The following CCDC85C variants were observed in gnomAD, a reference collection of about 807,000 sequenced individuals.
CCDC85C encodes coiled-coil domain-containing protein 85C.
CCDC85C carries 18 observed loss-of-function variants against 38.3 expected under a neutral mutation model. The ratio of observed to expected loss-of-function variants is 0.47; its 90% CI spans 0.33 to 0.70. CCDC85C has a LOEUF of 0.70. Ranked by LOEUF, CCDC85C falls within the 30% of genes least tolerant of loss-of-function variation. The pLI, the probability that CCDC85C is intolerant of heterozygous loss-of-function variation, is 0.03. For missense variants in CCDC85C, 566 were observed against 621.2 expected (o/e 0.91, Z 0.94); for synonymous variants, 264 against 293.8 (o/e 0.90, Z 1.04).
At chr14:99,527,962 G>A (rs559775357) in intron 2 of CCDC85C, among the ~76,000 whole-genome samples, 245 of 152,298 alleles carry the variant, frequency 1.6e-3, no homozygotes, top group Middle Eastern at 6.8e-3. Context: ...CCTCGGGGGC[G>A]GTCGCTGCAT....
intron 2 of CCDC85C, among the ~76,000 whole-genome samples, chr14:99,527,862 G>C (rs1346143473): frequency 1.3e-5 from 2 of 152,204 alleles, no homozygotes; most frequent in Non-Finnish European, 2.9e-5. Context: ...TCAAAGTGGG[G>C]ATTAGCACCA....
intron 1 of CCDC85C, among the ~76,000 whole-genome samples, chr14:99,542,829 G>A (rs1207074619): frequency 6.6e-6 from 1 of 152,232 alleles, no homozygotes; most frequent in Non-Finnish European, 1.5e-5. Context: ...CACCTCTGAG[G>A]CATGAGCACT....
intron 1 of CCDC85C, among the ~76,000 whole-genome samples, chr14:99,568,565 A>C (rs1898269934): frequency 6.6e-6 from 1 of 151,952 alleles, no homozygotes; most frequent in South Asian, 2.1e-4. Context: ...CGACCTGAGG[A>C]CCCCGCTCAG....
Position 99,512,738 on chromosome 14 carries a change from G to A in CCDC85C, c.*2508C>T, listed in dbSNP as rs1161993736. The A allele has an allele frequency of 2.0e-5, 3 of 152,194 alleles. No individual in the cohort carries two copies. Among genetic ancestry groups the A allele is most frequent in the African/African-American group, 7.2e-5 (3 of 41,442 alleles). The allele number at this position is 152,194 out of a possible 1,614,324, so 9.4% of individuals were successfully genotyped here. A position where few individuals can be genotyped will look rare whatever the true frequency, so the allele number is the denominator to read the frequency against. ...GCATCTGAAAGGGCACCCCCACTGG[G>A]GGCTTTCAGAGCTAAGGCTCCAGAA... On this transcript the variant is annotated 3_prime_UTR_variant, in exon 6 of 6. Transcript: ENST00000380243.
chr14:99,540,392 G>T (rs1036092360), intron 1 of CCDC85C, among the ~76,000 whole-genome samples: 1 of 152,176 alleles, frequency 6.6e-6, no homozygotes, highest in African/African-American at 2.4e-5. Context: ...GGGGCTGGAG[G>T]GCAGGAGACC....
intron 1 of CCDC85C, among the ~76,000 whole-genome samples, chr14:99,602,847 G>T (rs1203599907): frequency 1.3e-5 from 2 of 152,216 alleles, no homozygotes; most frequent in Admixed American, 1.3e-4. Context: ...CCAAGGCTGG[G>T]ATGAGGCGCC....
intron 1 of CCDC85C, among the ~76,000 whole-genome samples, chr14:99,598,953 G>A (rs58884100): frequency 0.11 from 16,980 of 152,134 alleles, 1,873 homozygotes; most frequent in East Asian, 0.36. Context: ...TCCTTTCTGA[G>A]GCCCAGCATC....
chr14:99,553,252 A>G lies in CCDC85C; in HGVS notation c.794-17164T>C, dbSNP rs1439697431. ...CCAGGCCAGAGCCCTGCAGCTCAGGACATGGGGAGAGGAATGTCACAATCT... is the reference window on the plus strand; with the variant it reads ...CCAGGCCAGAGCCCTGCAGCTCAGGGCATGGGGAGAGGAATGTCACAATCT... On this transcript the variant is annotated intron_variant, in intron 1 of 5. Coordinates refer to ENST00000380243, the MANE Select transcript of CCDC85C (RefSeq NM_001144995.2). Among the ~76,000 whole-genome samples the G allele has an allele frequency of 2.0e-5, 3 of 152,314 alleles. No individual in the cohort carries two copies. The East Asian group carries it at 5.8e-4, about 29-fold the overall frequency.
chr14:99,595,617 G>A (rs1212470152), intron 1 of CCDC85C, among the ~76,000 whole-genome samples: 1 of 152,128 alleles, frequency 6.6e-6, no homozygotes, highest in Non-Finnish European at 1.5e-5. Context: ...TGAGCTCCCA[G>A]CACACCTGAA....
intron 1 of CCDC85C, among the ~76,000 whole-genome samples, chr14:99,550,737 G>A (rs1030321979): frequency 3.3e-5 from 5 of 152,272 alleles, no homozygotes; most frequent in Admixed American, 6.5e-5. Context: ...CCTGTTCCCC[G>A]ACTGCTCACA....
In CCDC85C at chr14:99,510,719, G is replaced by A. The variant is rs781011811; in HGVS notation, c.*4527C>T. The A allele has an allele frequency of 2.0e-5, 28 of 1,420,262 alleles. No homozygotes were observed. Among genetic ancestry groups the A allele is most frequent in the Middle Eastern group, 4.1e-4 (2 of 4,934 alleles). 88.0% of individuals were successfully genotyped at this position (1,420,262 alleles called of 1,614,324 possible). ...CTGGAGGACAGCCTCCTGTGCCCCC[G>A]CCCATTCCCCCACCCGGCATGCCTC... On this transcript the variant is annotated 3_prime_UTR_variant, in exon 6 of 6. Transcript: ENST00000380243.
chr14:99,531,830 A>G (rs1178529652), intron 2 of CCDC85C, among the ~76,000 whole-genome samples: 1 of 152,234 alleles, frequency 6.6e-6, no homozygotes, highest in Non-Finnish European at 1.5e-5. Flanking sequence ...GGCTTAGGAC[A>G]GCATCTCATT....
rs563209761 is a variant in CCDC85C at position 99,517,022 on chromosome 14, G to A, written c.1071+66C>T. ...CCACTTGGATACCCCTAGGTGCAAA[G>A]GTCCCACAGTCTCACAGTGCACCCA... On this transcript the variant is annotated intron_variant, in intron 4 of 5. Coordinates refer to ENST00000380243, the MANE Select transcript of CCDC85C (RefSeq NM_001144995.2). 5.1e-5 allele frequency: 73 copies of A among 1,437,368 alleles called. No homozygotes were observed. The African/African-American group carries it at 5.5e-4, about 11-fold the overall frequency. The allele number at this position is 1,437,368 out of a possible 1,614,324, so 89.0% of individuals were successfully genotyped here.
chr14:99,580,077 A>C (rs1168087432), intron 1 of CCDC85C: 1 of 455,440 alleles, frequency 2.2e-6, no homozygotes, highest in South Asian at 1.5e-5. Flanking sequence ...CACATTCCTA[A>C]ACAGTAGACA....
intron 1 of CCDC85C, among the ~76,000 whole-genome samples, chr14:99,587,616 C>A (rs1160606396): frequency 6.6e-6 from 1 of 152,212 alleles, no homozygotes; most frequent in Non-Finnish European, 1.5e-5. Context: ...CACTGCCTTG[C>A]TCATTGTTCC....
chr14:99,503,156 A>G lies in CCDC85C; in HGVS notation c.*12090T>C. The stretch of plus-strand genomic sequence containing the variant: ...GGGAGCCTGAAAACAAAGGTGCTCC[A>G]AGGACAGGCTGCCTCTGAGAACCAG... On this transcript the variant is annotated 3_prime_UTR_variant, in exon 6 of 6. Transcript: ENST00000380243. 2.6e-6 allele frequency: 2 copies of G among 781,938 alleles called. No individual in the cohort carries two copies. Among genetic ancestry groups the G allele is most frequent in the Non-Finnish European group, 4.4e-6 (2 of 456,490 alleles). The allele number at this position is 781,938 out of a possible 1,614,324, so 48.4% of individuals were successfully genotyped here. A position where few individuals can be genotyped will look rare whatever the true frequency, so the allele number is the denominator to read the frequency against.
chr14:99,601,870 A>C (rs1353258976), intron 1 of CCDC85C, among the ~76,000 whole-genome samples: 1 of 152,020 alleles, frequency 6.6e-6, no homozygotes, highest in East Asian at 1.9e-4. Context: ...TAAAGGAAAA[A>C]CATGCTGCAC....
intron 1 of CCDC85C, among the ~76,000 whole-genome samples, chr14:99,581,316 C>T (rs2054966332): frequency 6.6e-6 from 1 of 152,254 alleles, no homozygotes; most frequent in African/African-American, 2.4e-5. Flanking sequence ...CCAACTATGC[C>T]ACACCAAGCT....
At chr14:99,582,119 G>T (rs748148945) in intron 1 of CCDC85C, among the ~76,000 whole-genome samples, 2 of 152,268 alleles carry the variant, frequency 1.3e-5, no homozygotes, top group Non-Finnish European at 2.9e-5. Flanking sequence ...CAGCGGGGGC[G>T]GGGGGATGCT....
Sources: allele counts gnomAD v4.1 joint callset (sites outside exome capture counted in the v4.1 genomes callset), GRCh38; gene constraint gnomAD v4.1.1; transcripts MANE v1.5; gene names NCBI Gene and HGNC (gene_info 2026-07-23, HGNC 2026-07-21).